GPAT4: variants seen among roughly 807,000 people sequenced by gnomAD.
GPAT4 encodes the protein glycerol-3-phosphate acyltransferase 4.
In GPAT4, 17 loss-of-function variants were observed where a neutral mutation model predicts 58.0. That is an observed-to-expected ratio of 0.29 (90% CI 0.20 to 0.44). The LOEUF (loss-of-function observed/expected upper bound fraction) is 0.44, where lower values mean the gene tolerates loss of function less well. GPAT4 is among the 20% of genes least tolerant of loss of function. The probability of loss-of-function intolerance (pLI) is 1.00; values close to 1 mark genes in which losing one functional copy is unlikely to be tolerated. For synonymous variants in GPAT4, 204 were observed against 210.1 expected, an observed-to-expected ratio of 0.97 and a Z score of 0.25; for missense variants, 377 against 574.5, an observed-to-expected ratio of 0.66 and a Z score of 3.51.
rs535404899 is a variant in GPAT4 at position 41,624,765 on chromosome 8, GATAA to G, written c.*3770_*3773del. On this transcript the variant is annotated 3_prime_UTR_variant, in exon 13 of 13. Transcript: ENST00000396987. ...AGTATTGATCATTTCATTTGTAAAC[GATAA>G]ATAAAAAGGGGGAACTTTTCATTGC... 5 of 152,144 alleles carry G rather than the reference GATAA, an allele frequency of 3.3e-5. No individual in the cohort carries two copies. The South Asian group carries it at 8.3e-4, about 25-fold the overall frequency. 9.4% of individuals were successfully genotyped at this position (152,144 alleles called of 1,614,324 possible).
rs11545514 is a variant in GPAT4 at position 41,621,050 on chromosome 8, A to G, written c.*49A>G. ...CACCGTGCGGGGTGCCAACGGGCTC[A>G]GAGCTGGAGTTGCCGCCGCCGCCCC... On this transcript the variant is annotated 3_prime_UTR_variant, in exon 13 of 13. Coordinates refer to ENST00000396987, the MANE Select transcript of GPAT4 (RefSeq NM_178819.4). The G allele has an allele frequency of 0.079, 121,583 of 1,547,918 alleles. 5,233 individuals carry two copies. The highest frequency in any genetic ancestry group is 0.13 in the Middle Eastern group (592 of 4,648).
In GPAT4 at chr8:41,623,498, T is replaced by TC. The variant is rs1384109754; in HGVS notation, c.*2498dup. The TC allele has an allele frequency of 1.3e-5, 2 of 152,242 alleles. No individual in the cohort carries two copies. The highest frequency in any genetic ancestry group is 3.8e-4 in the East Asian group (2 of 5,206). The allele number at this position is 152,242 out of a possible 1,614,324, so 9.4% of individuals were successfully genotyped here. A position where few individuals can be genotyped will look rare whatever the true frequency, so the allele number is the denominator to read the frequency against. ...CCTCCAAGCCTGCTGCACCTTCACT[T>TC]CTCTGCATCCGTCTCCTGAGTCATA... On this transcript the variant is annotated 3_prime_UTR_variant, in exon 13 of 13. Transcript: ENST00000396987.
In GPAT4 at chr8:41,610,722, T is replaced by G. The variant is rs770980772; in HGVS notation, c.537-14T>G. The G allele has an allele frequency of 6.2e-7, 1 of 1,602,082 alleles. No individual in the cohort carries two copies. The highest frequency in any genetic ancestry group is 1.1e-5 in the South Asian group (1 of 89,376). On this transcript the variant is annotated splice_polypyrimidine_tract_variant and intron_variant, in intron 4 of 12. Coordinates refer to ENST00000396987, the MANE Select transcript of GPAT4 (RefSeq NM_178819.4). The stretch of plus-strand genomic sequence containing the variant: ...GATTTGCTGGCTGTGCTCTAACTTT[T>G]CTTCTTCTTACAGGATAGCACTGGC...
chr8:41,596,606 A>G (rs757149807), intron 1 of GPAT4, among the ~76,000 whole-genome samples: 4 of 152,210 alleles, frequency 2.6e-5, no homozygotes, highest in Non-Finnish European at 5.9e-5. Flanking sequence ...GACATGTCCC[A>G]TGGGGCAATT....
chr8:41,613,712 C>T (rs1400839585), intron 8 of GPAT4, among the ~76,000 whole-genome samples: 3 of 151,944 alleles, frequency 2.0e-5, no homozygotes, highest in Non-Finnish European at 4.4e-5. Flanking sequence ...CCCGGGAGTT[C>T]GAGACCAGCC....
chr8:41,583,058 A>G (rs1454880399), intron 1 of GPAT4, among the ~76,000 whole-genome samples: 1 of 151,930 alleles, frequency 6.6e-6, no homozygotes, highest in Admixed American at 6.6e-5. Flanking sequence ...CCCCTTCTCC[A>G]CTAAAAATAC....
intron 2 of GPAT4, among the ~76,000 whole-genome samples, chr8:41,602,146 G>T (rs1243918025): frequency 6.6e-6 from 1 of 152,136 alleles, no homozygotes; most frequent in Non-Finnish European, 1.5e-5. Context: ...GTAAAGACAG[G>T]GTTTCGCCAT....
intron 7 of GPAT4, 67 bp downstream of exon 7, chr8:41,612,340 G>A: frequency 6.6e-7 from 1 of 1,504,428 alleles, no homozygotes. Context: ...GGGCTAGGAG[G>A]CTCCTGGACC....
chr8:41,599,399 G>A (rs1803021665), intron 2 of GPAT4, 95 bp downstream of exon 2: 1 of 1,423,434 alleles, frequency 7.0e-7, no homozygotes, highest in Admixed American at 2.3e-5. Flanking sequence ...CTCTTTATTA[G>A]ATAGGGAGAA....
intron 1 of GPAT4, among the ~76,000 whole-genome samples, chr8:41,581,993 A>ATTTTTTTTTTTTTTT: frequency 1.6e-5 from 1 of 63,592 alleles, no homozygotes. Context: ...AAGTTCAATG[A>ATTTTTTTTTTTTTTT]TTTTTTTTTT....
intron 1 of GPAT4, among the ~76,000 whole-genome samples, chr8:41,583,234 AAT>A (rs1051362540): frequency 2.8e-5 from 4 of 145,426 alleles, no homozygotes; most frequent in Non-Finnish European, 4.4e-5. Flanking sequence ...AAAAAAAAAT[AAT>A]ATATATATAT....
At chr8:41,589,686 T>C (rs1026809166) in intron 1 of GPAT4, among the ~76,000 whole-genome samples, 3 of 152,026 alleles carry the variant, frequency 2.0e-5, no homozygotes, top group Non-Finnish European at 4.4e-5. Flanking sequence ...TGTTTACTGG[T>C]TTGGGGACAT....
In GPAT4 at chr8:41,610,637, G is replaced by A; in HGVS notation, c.537-99G>A. 2.5e-6 allele frequency: 4 copies of A among 1,568,910 alleles called. No individual in the cohort carries two copies. In the South Asian group the frequency reaches 4.7e-5, roughly 18 times the overall value. ...CAGGTCCCAGGTGAGCAGGTCTTGG[G>A]GGTGGTTTTTGTGATGCCCCCTTTG... is the stretch of plus-strand genomic sequence containing the variant. On this transcript the variant is annotated intron_variant, in intron 4 of 12. Coordinates refer to ENST00000396987, the MANE Select transcript of GPAT4 (RefSeq NM_178819.4).
Position 41,618,783 on chromosome 8 carries a change from G to C in GPAT4, c.1153G>C (p.Val385Leu), listed in dbSNP as rs776328407. The C allele has an allele frequency of 6.2e-7, 1 of 1,614,254 alleles. No individual in the cohort carries two copies. Among genetic ancestry groups the C allele is most frequent in the Non-Finnish European group, 8.5e-7 (1 of 1,180,048 alleles). ...GACCAGCTGGGCCATTGTCTGCAGCGTGTGGTACCTGCCTCCCATGACTAG... is the reference window on the plus strand; with the variant it reads ...GACCAGCTGGGCCATTGTCTGCAGCCTGTGGTACCTGCCTCCCATGACTAG... ...MMTSWAIVCS[V>L]WYLPPMTREA... is the part of the protein sequence containing the mutation. The change falls in exon 11 of 13, where the codon GTG becomes CTG. Residue 385 changes from valine to leucine, a missense_variant. Physicochemically the swap from Val to Leu is conservative, Grantham distance 32. Coordinates refer to ENST00000396987, the MANE Select transcript of GPAT4 (RefSeq NM_178819.4).
intron 2 of GPAT4, among the ~76,000 whole-genome samples, chr8:41,602,152 G>A (rs1240533364): frequency 6.6e-6 from 1 of 152,138 alleles, no homozygotes; most frequent in Non-Finnish European, 1.5e-5. Flanking sequence ...ACAGGGTTTC[G>A]CCATGTTGCT....
intron 1 of GPAT4, among the ~76,000 whole-genome samples, chr8:41,580,288 A>G (rs930940102): frequency 1.3e-5 from 2 of 152,122 alleles, no homozygotes; most frequent in African/African-American, 4.8e-5. Context: ...TGTAGATAAC[A>G]TTCACGGCTA....
intron 1 of GPAT4, among the ~76,000 whole-genome samples, chr8:41,592,667 T>C (rs1485089695): frequency 6.6e-6 from 1 of 152,210 alleles, no homozygotes; most frequent in Non-Finnish European, 1.5e-5. Flanking sequence ...AATGCTCGGC[T>C]AATTGCAAAA....
intron 8 of GPAT4, among the ~76,000 whole-genome samples, chr8:41,613,406 C>G (rs1803500593): frequency 6.6e-6 from 1 of 151,502 alleles, no homozygotes; most frequent in South Asian, 2.1e-4. Flanking sequence ...GTATAGAAAC[C>G]CTAGTATTAT....
chr8:41,605,249 C>T (rs188124281), intron 2 of GPAT4, among the ~76,000 whole-genome samples: 582 of 152,332 alleles, frequency 3.8e-3, no homozygotes, highest in Middle Eastern at 0.034. Flanking sequence ...GTAGGAAAGA[C>T]ATATGCATCT....
Sources: allele counts gnomAD v4.1 joint callset (sites outside exome capture counted in the v4.1 genomes callset), GRCh38; gene constraint gnomAD v4.1.1; transcripts MANE v1.5; gene names NCBI Gene and HGNC (gene_info 2026-07-23, HGNC 2026-07-21).